The following GRK4 variants were observed in gnomAD, a reference collection of about 807,000 sequenced individuals.
GRK4 encodes the protein G protein-coupled receptor kinase 2-like.
In GRK4, 73 loss-of-function variants were observed where a neutral mutation model predicts 77.9. That is an observed-to-expected ratio of 0.94 (90% CI 0.78 to 1.14). The LOEUF (loss-of-function observed/expected upper bound fraction) is 1.14, where lower values mean the gene tolerates loss of function less well. GRK4 is among the 50% of genes most tolerant of loss of function. The probability of loss-of-function intolerance (pLI) is 0.00; values close to 1 mark genes in which losing one functional copy is unlikely to be tolerated. For missense variants in GRK4, 729 were observed against 700.2 expected (o/e 1.04, Z -0.46); for synonymous variants, 257 against 254.4 (o/e 1.01, Z -0.10).
intron 1 of GRK4, chr4:2,967,014 T>C (rs1482758565): frequency 6.6e-6 from 1 of 152,080 alleles, no homozygotes; most frequent in Non-Finnish European, 1.5e-5. Flanking sequence ...GGTGATTGGG[T>C]CATGAGAGTG....
chr4:2,972,667 C>T (rs1027587974), intron 1 of GRK4, among the ~76,000 whole-genome samples: 7 of 151,646 alleles, frequency 4.6e-5, no homozygotes, highest in African/African-American at 7.3e-5. Context: ...GTGGCGGGGG[C>T]GGAGGGGGAG....
Position 2,964,133 on chromosome 4 carries a change from G to T in GRK4, c.52+11G>T. ...TGAAAGCGCGTCAAGGTGGGTGCGC[G>T]GCAGGCGCCCCCGACCCCCCCCCCA... On this transcript the variant is annotated intron_variant, in intron 1 of 15. Coordinates refer to ENST00000398052, the MANE Select transcript of GRK4 (RefSeq NM_182982.3). 1 of 1,589,994 alleles carries T rather than the reference G, an allele frequency of 6.3e-7. No homozygotes were observed.
chr4:2,977,911 G>A (rs150554896), intron 1 of GRK4, among the ~76,000 whole-genome samples: 3 of 152,292 alleles, frequency 2.0e-5, no homozygotes, highest in African/African-American at 7.2e-5. Context: ...TGACTATTAG[G>A]AGTTCACTAT....
chr4:2,973,231 C>G (rs1422644174), intron 1 of GRK4, among the ~76,000 whole-genome samples: 1 of 152,240 alleles, frequency 6.6e-6, no homozygotes, highest in Non-Finnish European at 1.5e-5. Flanking sequence ...CATCACCCTT[C>G]CTGTTGCGCT....
At chr4:3,024,097 A>G (rs1736772323) in intron 10 of GRK4, among the ~76,000 whole-genome samples, 1 of 152,068 alleles carries the variant, frequency 6.6e-6, no homozygotes, top group Non-Finnish European at 1.5e-5. Flanking sequence ...CTGCCTGGCT[A>G]ACTTAGCAAG....
At chr4:3,001,089 A>ATATATATATATATACATGTGTGTGTG in intron 4 of GRK4, among the ~76,000 whole-genome samples, 4 of 82,428 alleles carry the variant, frequency 4.9e-5, no homozygotes, top group African/African-American at 2.3e-4. Flanking sequence ...ATATATATAT[A>ATATATATATATATACATGTGTGTGTG]TGTGTGTGTG....
At chr4:3,024,994 G>C (rs1232212853) in intron 10 of GRK4, among the ~76,000 whole-genome samples, 2 of 151,928 alleles carry the variant, frequency 1.3e-5, no homozygotes, top group Non-Finnish European at 2.9e-5. Flanking sequence ...TCAGAGGCCG[G>C]GCACAGTGGC....
chr4:3,004,430 G>C (rs1730711654), intron 5 of GRK4, 96 bp downstream of exon 5: 1 of 740,286 alleles, frequency 1.4e-6, no homozygotes, highest in Non-Finnish European at 2.3e-6. Context: ...CAAGTTCCTA[G>C]AGTGTAGTTG....
At chr4:3,039,925 G>A (rs908824257) in intron 15 of GRK4, among the ~76,000 whole-genome samples, 8 of 152,050 alleles carry the variant, frequency 5.3e-5, no homozygotes, top group Admixed American at 1.3e-4. Context: ...AGGTTCCCAC[G>A]TTTTGGGGAA....
At chr4:3,024,121 C>A (rs1240713624) in intron 10 of GRK4, among the ~76,000 whole-genome samples, 1 of 152,180 alleles carries the variant, frequency 6.6e-6, no homozygotes, top group Non-Finnish European at 1.5e-5. Context: ...CCTGCTCTGC[C>A]CAGGTTCCCC....
intron 7 of GRK4, among the ~76,000 whole-genome samples, chr4:3,011,697 A>G (rs1178096274): frequency 6.6e-6 from 1 of 152,210 alleles, no homozygotes. Context: ...GTGCCCTTTA[A>G]TCCAGATTCT....
In GRK4 at chr4:3,002,529, G is replaced by C. The variant is rs1031316159; in HGVS notation, c.340-1702G>C. ...TTTGGAAGGCTGAAGACTTCCAAAG[G>C]ATCTCTTGAGGTCAGGAGTTCGAAA... On this transcript the variant is annotated intron_variant, in intron 4 of 15. Transcript: ENST00000398052. 4.8e-4 allele frequency among the ~76,000 whole-genome samples: 73 copies of C among 152,256 alleles called. 1 individual carries two copies. The highest frequency in any genetic ancestry group is 1.8e-3 in the African/African-American group (73 of 41,548).
At chr4:2,984,640 G>T (rs770536870) in intron 2 of GRK4, 32 bp downstream of exon 2, 1 of 1,182,338 alleles carries the variant, frequency 8.5e-7, no homozygotes, top group Non-Finnish European at 1.2e-6. Flanking sequence ...ATGCTTGGAT[G>T]GTACATCTGG....
chr4:3,009,607 A>G (rs1732303524), intron 6 of GRK4, 41 bp from the exon 7 acceptor site: 7 of 1,477,386 alleles, frequency 4.7e-6, no homozygotes, highest in Non-Finnish European at 6.6e-6. Flanking sequence ...TAAAAGAACA[A>G]TGCAATGTGA....
In GRK4 at chr4:2,988,733, A is replaced by T. The variant is rs1725200527; in HGVS notation, c.155A>T (p.Asp52Val). The T allele has an allele frequency of 3.8e-6, 6 of 1,593,038 alleles. No homozygotes were observed. The highest frequency in any genetic ancestry group is 5.2e-6 in the Non-Finnish European group (6 of 1,160,884). The stretch of plus-strand genomic sequence containing the variant: ...ATCCCTTTGCTTCACCCAGAAAAGG[A>T]TTATAGCAGTCTTTGTGACAAGCAA... ...CSELRHSIEK[D>V]YSSLCDKQPI... Residue 52 changes from aspartate to valine, a missense_variant, in exon 3 of 16, where the codon GAT (aspartate) becomes GTT (valine). Asp to Val is a radical substitution (Grantham distance 152). Coordinates refer to ENST00000398052, the MANE Select transcript of GRK4 (RefSeq NM_182982.3).
intron 10 of GRK4, among the ~76,000 whole-genome samples, chr4:3,023,117 G>T (rs952180408): frequency 6.6e-6 from 1 of 152,290 alleles, no homozygotes; most frequent in East Asian, 1.9e-4. Context: ...TGCCCCTGGT[G>T]CTGTCCTCTT....
chr4:2,969,676 C>CT (rs11367430), intron 1 of GRK4, among the ~76,000 whole-genome samples: 35 of 147,750 alleles, frequency 2.4e-4, no homozygotes, highest in Non-Finnish European at 2.4e-4. Context: ...GGTGCCCAGC[C>CT]TTTTTTTTTT....
chr4:3,016,545 A>AGC (rs1017605837), intron 8 of GRK4, among the ~76,000 whole-genome samples: 13 of 139,204 alleles, frequency 9.3e-5, no homozygotes, highest in African/African-American at 2.9e-4. Flanking sequence ...AAAAAAAAAA[A>AGC]AAAAAATTAG....
At chr4:2,971,532 AAGC>A (rs1260597188) in intron 1 of GRK4, among the ~76,000 whole-genome samples, 5 of 152,328 alleles carry the variant, frequency 3.3e-5, no homozygotes, top group African/African-American at 9.6e-5. Context: ...CCTGGATCTG[AAGC>A]AGAAGTGGCC....
Sources: allele counts gnomAD v4.1 joint callset (sites outside exome capture counted in the v4.1 genomes callset), GRCh38; gene constraint gnomAD v4.1.1; transcripts MANE v1.5; gene names NCBI Gene and HGNC (gene_info 2026-07-23, HGNC 2026-07-21).